TYW1B: variants seen among roughly 807,000 people sequenced by gnomAD.
The protein encoded by TYW1B is tRNA-yW synthesizing protein 1 homolog B.
In TYW1B, 73 loss-of-function variants were observed where a neutral mutation model predicts 86.9. That is an observed-to-expected ratio of 0.84 (90% CI 0.70 to 1.02). TYW1B has a LOEUF of 1.02. Ranked by LOEUF, TYW1B falls within the 50% of genes least tolerant of loss-of-function variation. The pLI is 0.00. For synonymous variants in TYW1B, 248 were observed against 292.8 expected, an observed-to-expected ratio of 0.85 and a Z score of 1.56; for missense variants, 637 against 827.4, an observed-to-expected ratio of 0.77 and a Z score of 2.82.
intron 6 of TYW1B, among the ~76,000 whole-genome samples, chr7:72,785,365 TATTAA>T (rs1470750756): frequency 7.2e-4 from 106 of 147,612 alleles, no homozygotes; most frequent in African/African-American, 1.9e-3. Context: ...TATATAATTA[TATTAA>T]ATTAAAGTTA....
At position 72,724,019 on chromosome 7, in the gene TYW1B, T is replaced by C. The variant is rs1267252201; in HGVS notation, c.1192+4803A>G. On this transcript the variant is annotated intron_variant, in intron 9 of 13. Coordinates refer to ENST00000620995, the MANE Select transcript of TYW1B (RefSeq NM_001145440.3). ...TTTTTCTTTTCTATTATCATAATTTTACAGCAAGATTTACTATGACTATTA... is the reference window on the plus strand; with the variant it reads ...TTTTTCTTTTCTATTATCATAATTTCACAGCAAGATTTACTATGACTATTA... Among the ~76,000 whole-genome samples the C allele has an allele frequency of 2.6e-4, 39 of 151,508 alleles. 1 individual carries two copies. The highest frequency in any genetic ancestry group is 8.7e-4 in the African/African-American group (36 of 41,312).
At chr7:72,617,508 A>G (rs1173639148) in intron 12 of TYW1B, among the ~76,000 whole-genome samples, 2 of 152,094 alleles carry the variant, frequency 1.3e-5, no homozygotes, top group African/African-American at 4.8e-5. Context: ...CTGGGATTAC[A>G]GGCGCCTGCC....
rs528311209 is a variant in TYW1B, at chr7:72,636,744, G to A, written c.1507-7747C>T. On this transcript the variant is annotated intron_variant, in intron 11 of 13. Coordinates refer to ENST00000620995, the MANE Select transcript of TYW1B (RefSeq NM_001145440.3). ...GATTTTTACACGTTAAACAAAACTCGCATTCTTAGAATAAAGCCAGTTTTT... is the reference window on the plus strand; with the variant it reads ...GATTTTTACACGTTAAACAAAACTCACATTCTTAGAATAAAGCCAGTTTTT... 2.4e-4 allele frequency among the ~76,000 whole-genome samples: 36 copies of A among 152,174 alleles called. No homozygotes were observed. In the South Asian group the frequency reaches 6.2e-3, roughly 26 times the overall value.
intron 12 of TYW1B, among the ~76,000 whole-genome samples, chr7:72,618,061 A>C (rs567347949): frequency 3.9e-5 from 6 of 152,116 alleles, no homozygotes; most frequent in Admixed American, 1.3e-4. Flanking sequence ...AAAATCCCAG[A>C]AATGATTCCG....
intron 12 of TYW1B, among the ~76,000 whole-genome samples, chr7:72,627,276 C>T (rs554313807): frequency 5.3e-5 from 8 of 152,014 alleles, no homozygotes; most frequent in African/African-American, 1.9e-4. Context: ...GGTGAAACCC[C>T]GTCTCTACTA....
Position 72,729,507 on chromosome 7 carries a change from A to G in TYW1B, c.1083-576T>C, listed in dbSNP as rs111367849. Among the ~76,000 whole-genome samples, 602 of 152,226 alleles carry G rather than the reference A, an allele frequency of 4.0e-3. 2 individuals carry two copies. The highest frequency in any genetic ancestry group is 0.014 in the African/African-American group (566 of 41,534). ...TCCATATTCCTGAGGTTCCACTGCC[A>G]TCACTCCATGGCCATATAAAAGATT... On this transcript the variant is annotated intron_variant, in intron 8 of 13. Coordinates refer to ENST00000620995, the MANE Select transcript of TYW1B (RefSeq NM_001145440.3).
chr7:72,670,631 C>T (rs1190250770), intron 11 of TYW1B, among the ~76,000 whole-genome samples: 3 of 152,200 alleles, frequency 2.0e-5, no homozygotes, highest in African/African-American at 7.2e-5. Context: ...GTCAAACACT[C>T]GCATTCTGCT....
At chr7:72,632,377 T>TTATATATA (rs1812534700) in intron 11 of TYW1B, among the ~76,000 whole-genome samples, 3 of 89,536 alleles carry the variant, frequency 3.4e-5, no homozygotes, top group Admixed American at 1.4e-4. Flanking sequence ...GCATATATAT[T>TTATATATA]ATATATATAC....
intron 11 of TYW1B, among the ~76,000 whole-genome samples, chr7:72,658,253 TAA>T (rs782693151): frequency 3.2e-4 from 25 of 77,004 alleles, no homozygotes; most frequent in Admixed American, 6.4e-4. Context: ...TCCGTCTCAA[TAA>T]AAAAAAAAAA....
Position 72,815,497 on chromosome 7 carries a change from A to C in TYW1B, c.136-16T>G, listed in dbSNP as rs1356725107. On this transcript the variant is annotated splice_polypyrimidine_tract_variant and intron_variant, in intron 2 of 13. Coordinates refer to ENST00000620995, the MANE Select transcript of TYW1B (RefSeq NM_001145440.3). Reference sequence around the variant, plus strand: ...TTGCAAATCCCTAATAGGACAAAAAAAAACTTCAAATAAAGTCTTCAATGA... The same window carrying C: ...TTGCAAATCCCTAATAGGACAAAAACAAACTTCAAATAAAGTCTTCAATGA... 1.3e-5 allele frequency: 21 copies of C among 1,598,184 alleles called. No homozygotes were observed. Among genetic ancestry groups the C allele is most frequent in the Non-Finnish European group, 1.8e-5 (21 of 1,175,974 alleles).
intron 12 of TYW1B, among the ~76,000 whole-genome samples, chr7:72,621,292 A>T (rs1554437912): frequency 6.6e-6 from 1 of 152,150 alleles, no homozygotes; most frequent in African/African-American, 2.4e-5. Flanking sequence ...TCCTTTCTTC[A>T]TAAATGATTT....
At chr7:72,815,796 T>TGAAG (rs1788712220) in intron 2 of TYW1B, among the ~76,000 whole-genome samples, 1 of 152,070 alleles carries the variant, frequency 6.6e-6, no homozygotes, top group Non-Finnish European at 1.5e-5. Flanking sequence ...TCCCAGCACT[T>TGAAG]TGGGAGGCTG....
rs191733414 is a variant in TYW1B at position 72,677,427 on chromosome 7, C to T, written c.1506+17260G>A. Among the ~76,000 whole-genome samples, 313 of 152,110 alleles carry T rather than the reference C, an allele frequency of 2.1e-3. 1 individual carries two copies. Among genetic ancestry groups the T allele is most frequent in the African/African-American group, 7.1e-3 (295 of 41,512 alleles). Reference sequence around the variant, plus strand: ...CCTCCCAAAGTACTGGGATTACAGGCGTGAGCCACCACATCCTGAACTTTA... The same window carrying T: ...CCTCCCAAAGTACTGGGATTACAGGTGTGAGCCACCACATCCTGAACTTTA... On this transcript the variant is annotated intron_variant, in intron 11 of 13. Transcript: ENST00000620995.
intron 7 of TYW1B, among the ~76,000 whole-genome samples, chr7:72,764,648 C>T (rs782764083): frequency 6.6e-6 from 1 of 152,156 alleles, no homozygotes; most frequent in African/African-American, 2.4e-5. Flanking sequence ...ACTTCCAGAA[C>T]TCTAATATAT....
chr7:72,720,434 A>G (rs1238226461), intron 9 of TYW1B, among the ~76,000 whole-genome samples: 2 of 152,162 alleles, frequency 1.3e-5, no homozygotes, highest in Non-Finnish European at 2.9e-5. Context: ...TAAAAATATC[A>G]TAATCATATT....
chr7:72,653,270 C>T (rs1269113327), intron 11 of TYW1B, among the ~76,000 whole-genome samples: 1 of 152,068 alleles, frequency 6.6e-6, no homozygotes, highest in African/African-American at 2.4e-5. Context: ...TCTAGCCGGG[C>T]TAATCAAGAA....
chr7:72,658,739 G>C (rs1563049185), intron 11 of TYW1B, among the ~76,000 whole-genome samples: 1 of 151,820 alleles, frequency 6.6e-6, no homozygotes, highest in Non-Finnish European at 1.5e-5. Context: ...TTTGTTTTTT[G>C]AGACTGTGTC....
At chr7:72,822,835 A>AT (rs1372276505) in intron 2 of TYW1B, 1 of 152,084 alleles carries the variant, frequency 6.6e-6, no homozygotes, top group African/African-American at 2.4e-5. Context: ...TACAAAAAAA[A>AT]TTTTTTTAAT....
At chr7:72,664,116 C>G (rs113347214) in intron 11 of TYW1B, among the ~76,000 whole-genome samples, 10 of 152,202 alleles carry the variant, frequency 6.6e-5, no homozygotes, top group African/African-American at 2.4e-4. Context: ...CCTTCTGTGA[C>G]CCTTCCTCCC....
Sources: allele counts gnomAD v4.1 joint callset (sites outside exome capture counted in the v4.1 genomes callset), GRCh38; gene constraint gnomAD v4.1.1; transcripts MANE v1.5; gene names NCBI Gene and HGNC (gene_info 2026-07-23, HGNC 2026-07-21).